The following DCLK1 variants were observed in gnomAD, a reference collection of about 807,000 sequenced individuals.
DCLK1 encodes the protein doublecortin like kinase 1, also known as serine/threonine-protein kinase DCLK1.
A neutral mutation model predicts 86.2 loss-of-function variants in DCLK1; 16 were observed. The ratio of observed to expected loss-of-function variants is 0.19; its 90% CI spans 0.13 to 0.28. DCLK1 has a LOEUF of 0.28. Among genes scored for constraint, DCLK1 ranks in the 10% least tolerant of loss-of-function variants. The probability of loss-of-function intolerance (pLI) is 1.00; values close to 1 mark genes in which losing one functional copy is unlikely to be tolerated. For synonymous variants in DCLK1, 369 were observed against 370.5 expected (o/e 1.00, Z 0.05); for missense variants, 590 against 940.2 (o/e 0.63, Z 4.87).
intron 4 of DCLK1, among the ~76,000 whole-genome samples, chr13:35,946,218 A>G (rs1331077997): frequency 2.6e-5 from 4 of 152,104 alleles, no homozygotes; most frequent in Non-Finnish European, 5.9e-5. Context: ...TGCCCAGGCT[A>G]GTCTCAAACT....
rs188300642 is a variant in DCLK1 at position 36,079,350 on chromosome 13, C to T, written c.723+32519G>A. Among the ~76,000 whole-genome samples, 3 of 152,290 alleles carry T rather than the reference C, an allele frequency of 2.0e-5. No individual in the cohort carries two copies. The East Asian group carries it at 5.8e-4, about 29-fold the overall frequency. On this transcript the variant is annotated intron_variant, in intron 3 of 16. Transcript: ENST00000360631. Reference sequence around the variant, plus strand: ...AAAAGGAACATTAAGAAAACCTCTGCTGGACACGGTAGCTCATGCCTATAA... The same window carrying T: ...AAAAGGAACATTAAGAAAACCTCTGTTGGACACGGTAGCTCATGCCTATAA...
At position 35,769,563 on chromosome 13, in the gene DCLK1, A is replaced by C. The variant is rs954577382; in HGVS notation, c.*4972T>G. 3.3e-5 allele frequency: 5 copies of C among 152,190 alleles called. No homozygotes were observed. The highest frequency in any genetic ancestry group is 7.2e-5 in the African/African-American group (3 of 41,436). 9.4% of individuals were successfully genotyped at this position (152,190 alleles called of 1,614,324 possible). Reference sequence around the variant, plus strand: ...TACACCAAAGATTAATGTCAATGGCAAGTGAGAAATTGTCCCTAGAGAACT... The same window carrying C: ...TACACCAAAGATTAATGTCAATGGCCAGTGAGAAATTGTCCCTAGAGAACT... On this transcript the variant is annotated 3_prime_UTR_variant, in exon 17 of 17. Coordinates refer to ENST00000360631, the MANE Select transcript of DCLK1 (RefSeq NM_001330071.2).
chr13:35,893,846 GA>G (rs1298663769), intron 4 of DCLK1, among the ~76,000 whole-genome samples: 1 of 152,146 alleles, frequency 6.6e-6, no homozygotes, highest in Non-Finnish European at 1.5e-5. Context: ...ATAAGTGCAG[GA>G]AAATGATTGC....
intron 16 of DCLK1, among the ~76,000 whole-genome samples, chr13:35,792,616 A>G (rs562897079): frequency 1.8e-4 from 27 of 152,308 alleles, no homozygotes; most frequent in Admixed American, 5.2e-4. Context: ...GGAATTTATT[A>G]AAAACTCAAG....
intron 4 of DCLK1, among the ~76,000 whole-genome samples, chr13:35,927,861 C>A (rs1876212692): frequency 6.6e-6 from 1 of 152,112 alleles, no homozygotes; most frequent in South Asian, 2.1e-4. Flanking sequence ...GCCTACATAA[C>A]CAAACCCTGG....
intron 10 of DCLK1, among the ~76,000 whole-genome samples, chr13:35,824,548 T>G (rs2087476697): frequency 6.6e-6 from 1 of 152,086 alleles, no homozygotes; most frequent in African/African-American, 2.4e-5. Flanking sequence ...ACGTTTTTCC[T>G]TCGCAGCCAT....
At position 36,126,501 on chromosome 13, in the gene DCLK1, T is replaced by G. The variant is rs554463281; in HGVS notation, c.-19-345A>C. On this transcript the variant is annotated intron_variant, in intron 1 of 16. Transcript: ENST00000360631. The stretch of plus-strand genomic sequence containing the variant: ...CTGGTCTTGAATCCCTGGCCTCAAG[T>G]GATCCTCCCCCGCCCCCCAACCCCT... Among the ~76,000 whole-genome samples the G allele has an allele frequency of 3.3e-5, 5 of 152,290 alleles. No individual in the cohort carries two copies. In the East Asian group the frequency reaches 9.7e-4, roughly 29 times the overall value.
intron 4 of DCLK1, among the ~76,000 whole-genome samples, chr13:35,874,523 T>C (rs888043632): frequency 2.6e-5 from 4 of 152,208 alleles, no homozygotes; most frequent in African/African-American, 9.6e-5. Flanking sequence ...ATCAAGGCAT[T>C]ACAGAGCCTG....
intron 5 of DCLK1, among the ~76,000 whole-genome samples, chr13:35,868,473 T>C (rs1430912038): frequency 1.3e-5 from 2 of 152,170 alleles, no homozygotes; most frequent in Non-Finnish European, 2.9e-5. Flanking sequence ...GCCCCACACT[T>C]GTTTTTTTAT....
intron 4 of DCLK1, among the ~76,000 whole-genome samples, chr13:35,927,486 T>G (rs966706020): frequency 6.6e-6 from 1 of 152,232 alleles, no homozygotes; most frequent in Admixed American, 6.5e-5. Flanking sequence ...GTTCATTGTT[T>G]TTGTTACACC....
intron 5 of DCLK1, chr13:35,855,737 G>A: frequency 7.3e-7 from 1 of 1,367,618 alleles, no homozygotes; most frequent in Non-Finnish European, 9.5e-7. Flanking sequence ...GGAGGTGCAG[G>A]TTCTGTCTTA....
chr13:35,894,428 G>A (rs1873826706), intron 4 of DCLK1, among the ~76,000 whole-genome samples: 2 of 152,158 alleles, frequency 1.3e-5, no homozygotes, highest in East Asian at 1.9e-4. Flanking sequence ...ACCCTACCTA[G>A]GAAGGGCTCT....
intron 6 of DCLK1, chr13:35,850,106 TG>T (rs1870499762): frequency 2.0e-6 from 2 of 985,084 alleles, no homozygotes; most frequent in Non-Finnish European, 2.4e-6. Context: ...GATGTGTCGT[TG>T]TCATAATTTT....
chr13:35,893,952 C>T (rs1469683658), intron 4 of DCLK1, among the ~76,000 whole-genome samples: 1 of 152,154 alleles, frequency 6.6e-6, no homozygotes, highest in Non-Finnish European at 1.5e-5. Flanking sequence ...GACACCTTTG[C>T]TTTCTGATGG....
rs75781969 is a variant in DCLK1 at position 36,116,264 on chromosome 13, A to G, written c.377-4049T>C. On this transcript the variant is annotated intron_variant, in intron 2 of 16. Coordinates refer to ENST00000360631, the MANE Select transcript of DCLK1 (RefSeq NM_001330071.2). ...CGCGACTGGCCTGTATTTTTAAATG[A>G]TCATACTGGCCATTATTCTTCAAAG... 4.5e-3 allele frequency among the ~76,000 whole-genome samples: 682 copies of G among 152,220 alleles called. 12 individuals are homozygous for G. In the East Asian group the frequency reaches 0.064, roughly 14 times the overall value.
chr13:35,788,148 G>A, intron 16 of DCLK1: 1 of 1,474,386 alleles, frequency 6.8e-7, no homozygotes, highest in Non-Finnish European at 9.5e-7. Context: ...GAAGGAACTG[G>A]TTAATGGAGA....
At chr13:35,875,308 T>A (rs1192075749) in intron 4 of DCLK1, among the ~76,000 whole-genome samples, 1 of 152,226 alleles carries the variant, frequency 6.6e-6, no homozygotes, top group Non-Finnish European at 1.5e-5. Context: ...TTAGCAAGAA[T>A]GAATAGTTAA....
At chr13:35,937,836 A>G (rs1876848604) in intron 4 of DCLK1, among the ~76,000 whole-genome samples, 1 of 152,174 alleles carries the variant, frequency 6.6e-6, no homozygotes, top group East Asian at 1.9e-4. Context: ...GACAGTCATT[A>G]TTTATTATTA....
intron 3 of DCLK1, among the ~76,000 whole-genome samples, chr13:35,978,717 C>A (rs112162038): frequency 6.6e-6 from 1 of 152,092 alleles, no homozygotes; most frequent in South Asian, 2.1e-4. Context: ...TGTCACTAGA[C>A]CTCCAGGAAA....
Sources: gnomAD v4.1 joint callset for allele counts (sites outside exome capture counted in the v4.1 genomes callset) on GRCh38, gnomAD v4.1.1 for gene constraint, MANE v1.5 for transcripts, NCBI Gene and HGNC (gene_info 2026-07-23, HGNC 2026-07-21) for gene names.